UNC5CL: variants seen among roughly 807,000 people sequenced by gnomAD.
UNC5CL encodes UNC5C-like protein.
Under a neutral mutation model 54.1 loss-of-function variants are expected in UNC5CL, and 42 were observed. That is an observed-to-expected ratio of 0.78 (90% confidence interval 0.61 to 1.00). UNC5CL has a LOEUF of 1.00. Ranked by LOEUF, UNC5CL falls within the 50% of genes least tolerant of loss-of-function variation. The pLI is 0.00. For missense variants in UNC5CL, 619 were observed against 675.6 expected (o/e 0.92, Z 0.93); for synonymous variants, 285 against 285.1 (o/e 1.00, Z 0.00).
rs551932723 is a variant in UNC5CL, at chr6:41,032,235, G to A, written c.950-98C>T. ...AGGCATGAGGACAGAACAAAGGCAG[G>A]AGGGTCTCAAGGGAATGGGAATCCC... On this transcript the variant is annotated intron_variant, in intron 4 of 8. Coordinates refer to ENST00000244565, the MANE Select transcript of UNC5CL (RefSeq NM_173561.3). The A allele has an allele frequency of 2.9e-5, 29 of 1,001,844 alleles. No individual in the cohort carries two copies. In the South Asian group the frequency reaches 4.1e-4, roughly 14 times the overall value. The allele number at this position is 1,001,844 out of a possible 1,614,324, so 62.1% of individuals were successfully genotyped here.
At chr6:41,031,159 T>C (rs1487196077) in intron 6 of UNC5CL, among the ~76,000 whole-genome samples, 2 of 152,106 alleles carry the variant, frequency 1.3e-5, no homozygotes, top group Non-Finnish European at 2.9e-5. Flanking sequence ...CTGCCTGCCC[T>C]CCACTAAGGT....
intron 2 of UNC5CL, 86 bp from the exon 3 acceptor site, chr6:41,034,267 G>T (rs1042323463): frequency 6.8e-7 from 1 of 1,468,580 alleles, no homozygotes; most frequent in Non-Finnish European, 9.1e-7. Context: ...GAGAAAGGAG[G>T]TGGGGCAGGA....
chr6:41,031,806 C>G, intron 5 of UNC5CL, 58 bp from the exon 6 acceptor site: 2 of 1,567,902 alleles, frequency 1.3e-6, no homozygotes, highest in Non-Finnish European at 1.8e-6. Flanking sequence ...GGGGTAAGAG[C>G]AGGAGAAGGT....
At chr6:41,030,616 A>G in intron 7 of UNC5CL, 39 bp downstream of exon 7, 2 of 1,612,408 alleles carry the variant, frequency 1.2e-6, no homozygotes, top group East Asian at 2.2e-5. Flanking sequence ...TAGGAACCCA[A>G]CATCCCCCAG....
chr6:41,035,539 G>A (rs1762513824), intron 1 of UNC5CL, among the ~76,000 whole-genome samples: 1 of 152,244 alleles, frequency 6.6e-6, no homozygotes, highest in African/African-American at 2.4e-5. Context: ...CACTAAAGTG[G>A]CAGAGTATAG....
rs990626373 is a variant in UNC5CL at position 41,032,988 on chromosome 6, G to A, written c.845C>T (p.Thr282Ile). ...GCGCCCACCATGGGGCTGCTCGTTG[G>A]TCAGTGCCCACTGCAGGGCGCAGGG... ...NTPCALQWAL[T>I]NEQPHGGRLR... The change falls in exon 4 of 9, where the codon ACC (threonine) becomes ATC (isoleucine). Residue 282 changes from threonine (T) to isoleucine (I), a missense_variant. Thr to Ile is a moderately conservative substitution (Grantham distance 89, BLOSUM62 -1). Coordinates refer to ENST00000244565, the MANE Select transcript of UNC5CL (RefSeq NM_173561.3). The A allele has an allele frequency of 6.2e-7, 1 of 1,604,802 alleles. No individual in the cohort carries two copies. Among genetic ancestry groups the A allele is most frequent in the African/African-American group, 1.3e-5 (1 of 74,982 alleles).
chr6:41,033,572 A>G lies in UNC5CL; in HGVS notation c.686+309T>C, dbSNP rs746174543. The G allele has an allele frequency of 9.6e-6, 5 of 518,542 alleles. No individual in the cohort carries two copies. The South Asian group carries it at 1.4e-4, about 14-fold the overall frequency. 32.1% of individuals were successfully genotyped at this position (518,542 alleles called of 1,614,324 possible). On this transcript the variant is annotated intron_variant, in intron 3 of 8. Transcript: ENST00000244565. ...CCTGAAAGGGGCACAGTGTAGAGAGAGATAATTTGAAAGACAGAGAGAGAT... is the reference window on the plus strand; with the variant it reads ...CCTGAAAGGGGCACAGTGTAGAGAGGGATAATTTGAAAGACAGAGAGAGAT...
intron 1 of UNC5CL, among the ~76,000 whole-genome samples, chr6:41,036,239 T>A (rs1408642376): frequency 6.6e-6 from 1 of 152,200 alleles, no homozygotes; most frequent in Non-Finnish European, 1.5e-5. Context: ...CGATATAAAA[T>A]TATGAGATAT....
At chr6:41,035,638 T>C (rs1372526209) in intron 1 of UNC5CL, among the ~76,000 whole-genome samples, 1 of 152,238 alleles carries the variant, frequency 6.6e-6, no homozygotes, top group Non-Finnish European at 1.5e-5. Context: ...TGCCATCATA[T>C]TTATGTCCAC....
At position 41,028,645 on chromosome 6, in the gene UNC5CL, T is replaced by TC. The variant is rs757086571; in HGVS notation, c.1335-51dup. The TC allele has an allele frequency of 1.7e-4, 268 of 1,534,704 alleles. No homozygotes were observed. Among genetic ancestry groups the TC allele is most frequent in the Middle Eastern group, 3.9e-4 (2 of 5,104 alleles). ...GAAGGGTGTAGGAGCAGGGAGGGGC[T>TC]CCCCCCCTGCTGCAGGCTCCCTGGG... On this transcript the variant is annotated intron_variant, in intron 8 of 8. Transcript: ENST00000244565. This position sits in a 1 kb window ranked among gnomAD's most constrained non-coding sequence, Gnocchi z 4.3.
rs1224453459 is a variant in UNC5CL, at chr6:41,032,968, C to T, written c.865G>A (p.Gly289Arg). ...AGCTGGCAGGGCCCACGCAGGCGCC[C>T]ACCATGGGGCTGCTCGTTGGTCAGT... Reference protein sequence around the residue: ...WALTNEQPHGGRLRGPCQLFD... With the variant: ...WALTNEQPHGRRLRGPCQLFD... The change falls in exon 4 of 9, where the codon GGG (glycine) becomes AGG (arginine). Residue 289 changes from glycine to arginine, a missense_variant. By Grantham distance (125) the Gly-to-Arg change is moderately radical (BLOSUM62 -2). Coordinates refer to ENST00000244565, the MANE Select transcript of UNC5CL (RefSeq NM_173561.3). The T allele has an allele frequency of 6.2e-7, 1 of 1,603,262 alleles. No homozygotes were observed.
At chr6:41,030,006 T>C (rs1240402671) in intron 8 of UNC5CL, among the ~76,000 whole-genome samples, 1 of 152,244 alleles carries the variant, frequency 6.6e-6, no homozygotes, top group Non-Finnish European at 1.5e-5. Flanking sequence ...ATGACTGCAC[T>C]GTCACCATTA....
intron 1 of UNC5CL, among the ~76,000 whole-genome samples, chr6:41,036,926 C>T (rs1273788088): frequency 6.6e-6 from 1 of 152,116 alleles, no homozygotes; most frequent in African/African-American, 2.4e-5. Flanking sequence ...CCTCCGCCTC[C>T]TCCTACTTCC....
chr6:41,031,970 A>G (rs1762459191), intron 5 of UNC5CL, 66 bp downstream of exon 5: 2 of 1,523,604 alleles, frequency 1.3e-6, no homozygotes, highest in African/African-American at 1.4e-5. Flanking sequence ...GGTTACTGGG[A>G]GGGAAGGAGA....
chr6:41,036,304 A>T (rs1762523268), intron 1 of UNC5CL, among the ~76,000 whole-genome samples: 1 of 152,206 alleles, frequency 6.6e-6, no homozygotes, highest in African/African-American at 2.4e-5. Context: ...ATTTATATGA[A>T]CAGAACAGCT....
At position 41,031,996 on chromosome 6, in the gene UNC5CL, A is replaced by G. The variant is rs1241578304; in HGVS notation, c.1051+40T>C. 1.9e-6 allele frequency: 3 copies of G among 1,597,396 alleles called. No individual in the cohort carries two copies. In the African/African-American group the frequency reaches 4.0e-5, roughly 21 times the overall value. On this transcript the variant is annotated intron_variant, in intron 5 of 8. Transcript: ENST00000244565. Reference sequence around the variant, plus strand: ...GGGAAGGAGAGGAGACAGGATGGGAAAAGAGAGGGGAGGAGGTACACACAG... The same window carrying G: ...GGGAAGGAGAGGAGACAGGATGGGAGAAGAGAGGGGAGGAGGTACACACAG...
At position 41,035,103 on chromosome 6, in the gene UNC5CL, T is replaced by C. The variant is rs116091189; in HGVS notation, c.-29A>G. 1 of 1,533,898 alleles carries C rather than the reference T, an allele frequency of 6.5e-7. No homozygotes were observed. Among genetic ancestry groups the C allele is most frequent in the African/African-American group, 1.4e-5 (1 of 73,078 alleles). ...CCTGGTTACTCAATGCCGCTGGCTCTCCTTCACCCCTGTGCCAGCCAAAGC... is the reference window on the plus strand; with the variant it reads ...CCTGGTTACTCAATGCCGCTGGCTCCCCTTCACCCCTGTGCCAGCCAAAGC... On this transcript the variant is annotated 5_prime_UTR_variant, in exon 2 of 9. Coordinates refer to ENST00000244565, the MANE Select transcript of UNC5CL (RefSeq NM_173561.3).
rs369913591 is a variant in UNC5CL, at chr6:41,034,200, G to A, written c.386-19C>T. On this transcript the variant is annotated intron_variant, in intron 2 of 8. Transcript: ENST00000244565. ...ACAGCACCTGGCAGGGAGAGGGAGA[G>A]CTGAGATGGGCCTGGTAGGCAGGCA... 122 of 1,585,310 alleles carry A rather than the reference G, an allele frequency of 7.7e-5. No individual in the cohort carries two copies. In the African/African-American group the frequency reaches 1.3e-3, roughly 17 times the overall value.
At position 41,032,933 on chromosome 6, in the gene UNC5CL, G is replaced by A. The variant is rs771728253; in HGVS notation, c.900C>T (p.Phe300=). 3.4e-5 allele frequency: 54 copies of A among 1,605,674 alleles called. 1 individual carries two copies. In the South Asian group the frequency reaches 5.9e-4, roughly 18 times the overall value. The change falls in exon 4 of 9, where the codon TTC becomes TTT. Residue 300 remains phenylalanine (F), a synonymous_variant. Transcript: ENST00000244565. ...RLRGPCQLFD[F]NGARGDQCLK... ...GGCACTGGTCGCCCCTAGCCCCATT[G>A]AAGTCGAAGAGCTGGCAGGGCCCAC...
Sources: gnomAD v4.1 joint callset for allele counts (sites outside exome capture counted in the v4.1 genomes callset) on GRCh38, gnomAD v4.1.1 for gene constraint, Gnocchi (gnomAD v3.1) non-coding constraint, MANE v1.5 for transcripts, NCBI Gene and HGNC (gene_info 2026-07-23, HGNC 2026-07-21) for gene names.